The following ZDHHC17 variants were observed in gnomAD, a reference collection of about 807,000 sequenced individuals.
ZDHHC17 encodes zDHHC palmitoyltransferase 17, also known as palmitoyltransferase ZDHHC17.
Under a neutral mutation model 90.3 loss-of-function variants are expected in ZDHHC17, and 40 were observed. The ratio of observed to expected loss-of-function variants is 0.44; its 90% CI spans 0.34 to 0.58. ZDHHC17 has a LOEUF of 0.58. Among genes scored for constraint, ZDHHC17 ranks in the 20% least tolerant of loss-of-function variants. The probability of loss-of-function intolerance (pLI) is 0.01; values close to 1 mark genes in which losing one functional copy is unlikely to be tolerated. For synonymous variants in ZDHHC17, 235 were observed against 252.4 expected, an observed-to-expected ratio of 0.93 and a Z score of 0.65; for missense variants, 614 against 780.8, an observed-to-expected ratio of 0.79 and a Z score of 2.55.
intron 1 of ZDHHC17, among the ~76,000 whole-genome samples, chr12:76,771,926 A>G (rs1224150982): frequency 6.6e-6 from 1 of 152,194 alleles, no homozygotes; most frequent in Non-Finnish European, 1.5e-5. Context: ...CTGGAACCTG[A>G]GCTGAGAATG....
intron 10 of ZDHHC17, among the ~76,000 whole-genome samples, chr12:76,837,669 A>C (rs1454580196): frequency 6.6e-6 from 1 of 152,204 alleles, no homozygotes; most frequent in Non-Finnish European, 1.5e-5. Context: ...TGTAATTTAT[A>C]AAAATGAAGG....
intron 7 of ZDHHC17, among the ~76,000 whole-genome samples, chr12:76,821,899 G>A (rs1953166565): frequency 6.6e-6 from 1 of 152,104 alleles, no homozygotes; most frequent in Admixed American, 6.5e-5. Context: ...CTGGGTGGGT[G>A]AATGAATATA....
chr12:76,838,107 G>T (rs5023608), intron 10 of ZDHHC17, among the ~76,000 whole-genome samples: 3 of 151,744 alleles, frequency 2.0e-5, no homozygotes, highest in African/African-American at 4.8e-5. Context: ...CTAGAATCAC[G>T]CTTTTCATCT....
At chr12:76,820,218 G>A (rs1953147292) in intron 7 of ZDHHC17, among the ~76,000 whole-genome samples, 1 of 151,958 alleles carries the variant, frequency 6.6e-6, no homozygotes, top group Non-Finnish European at 1.5e-5. Flanking sequence ...AAAAGTGGCT[G>A]TCATCAGAAA....
rs193182299 is a variant in ZDHHC17, at chr12:76,768,546, C to G, written c.93+4217C>G. On this transcript the variant is annotated intron_variant, in intron 1 of 16. Coordinates refer to ENST00000426126, the MANE Select transcript of ZDHHC17 (RefSeq NM_015336.4). ...TGGGAAGTTGTAGGCACGTGAAACA[C>G]TGGACGATTCAAATAAGTACTGAAT... is the stretch of plus-strand genomic sequence containing the variant. Among the ~76,000 whole-genome samples, 3 of 152,338 alleles carry G rather than the reference C, an allele frequency of 2.0e-5. No individual in the cohort carries two copies. In the East Asian group the frequency reaches 5.8e-4, roughly 29 times the overall value.
chr12:76,793,157 T>C (rs1952779389), intron 1 of ZDHHC17, among the ~76,000 whole-genome samples: 1 of 152,258 alleles, frequency 6.6e-6, no homozygotes, highest in African/African-American at 2.4e-5. Context: ...AGATAAACTC[T>C]GCTAAATTTA....
At chr12:76,832,476 A>G (rs1447693643) in intron 10 of ZDHHC17, among the ~76,000 whole-genome samples, 1 of 152,266 alleles carries the variant, frequency 6.6e-6, no homozygotes, top group African/African-American at 2.4e-5. Context: ...ATTGTTCCTA[A>G]GAGTAATACA....
intron 5 of ZDHHC17, among the ~76,000 whole-genome samples, 178 bp downstream of exon 5, chr12:76,810,035 C>T (rs578126202): frequency 9.2e-5 from 14 of 152,186 alleles, no homozygotes; most frequent in African/African-American, 3.1e-4. Flanking sequence ...TAAAAGCCAG[C>T]ATGAAAATCA....
At chr12:76,833,448 A>G (rs546526729) in intron 10 of ZDHHC17, among the ~76,000 whole-genome samples, 9 of 152,318 alleles carry the variant, frequency 5.9e-5, no homozygotes, top group South Asian at 2.1e-4. Context: ...TTTTAAGTTC[A>G]TAAACCCTCC....
intron 10 of ZDHHC17, 114 bp downstream of exon 10, chr12:76,828,604 T>G (rs1953259820): frequency 1.2e-6 from 1 of 849,608 alleles, no homozygotes; most frequent in African/African-American, 1.7e-5. Flanking sequence ...ATTAAAATAG[T>G]GTTCCTAGAA....
intron 10 of ZDHHC17, among the ~76,000 whole-genome samples, chr12:76,837,551 C>A (rs1178020261): frequency 1.3e-5 from 2 of 152,136 alleles, no homozygotes; most frequent in African/African-American, 2.4e-5. Flanking sequence ...TAAAAAACAA[C>A]CAGTATGTTT....
chr12:76,766,001 C>G (rs994420427), intron 1 of ZDHHC17, among the ~76,000 whole-genome samples: 2 of 152,188 alleles, frequency 1.3e-5, no homozygotes, highest in Non-Finnish European at 2.9e-5. Context: ...CATGCCAGGC[C>G]TATCTTACGT....
chr12:76,830,876 TC>T (rs1452967593), intron 10 of ZDHHC17, among the ~76,000 whole-genome samples: 37 of 150,500 alleles, frequency 2.5e-4, no homozygotes, highest in Admixed American at 8.7e-4. Context: ...TTCATTTTTT[TC>T]CTTTATTCAG....
chr12:76,803,883 T>A (rs1256710454), intron 2 of ZDHHC17, among the ~76,000 whole-genome samples: 3 of 152,156 alleles, frequency 2.0e-5, no homozygotes, highest in African/African-American at 7.2e-5. Flanking sequence ...CAGTTATACT[T>A]GGGATGCCCT....
At chr12:76,819,831 TAA>T in intron 7 of ZDHHC17, among the ~76,000 whole-genome samples, 1 of 151,926 alleles carries the variant, frequency 6.6e-6, no homozygotes, top group East Asian at 1.9e-4. Flanking sequence ...CTGTCTCTAC[TAA>T]AAATACAAAA....
chr12:76,834,337 T>A (rs2137794366), intron 10 of ZDHHC17, among the ~76,000 whole-genome samples: 1 of 152,314 alleles, frequency 6.6e-6, no homozygotes, highest in Admixed American at 6.5e-5. Flanking sequence ...TTATTAGAAA[T>A]TTTATGTCTG....
At chr12:76,791,246 C>T (rs907359036) in intron 1 of ZDHHC17, among the ~76,000 whole-genome samples, 6 of 152,074 alleles carry the variant, frequency 3.9e-5, no homozygotes, top group African/African-American at 1.2e-4. Flanking sequence ...TTTTTCTTGC[C>T]ATTTTGTTAT....
At chr12:76,843,360 G>A (rs1039027836) in intron 12 of ZDHHC17, among the ~76,000 whole-genome samples, 9 of 151,836 alleles carry the variant, frequency 5.9e-5, no homozygotes, top group Non-Finnish European at 1.2e-4. Context: ...AAAGCCACAT[G>A]GGAAAATCCA....
At chr12:76,779,642 AAC>A in intron 1 of ZDHHC17, among the ~76,000 whole-genome samples, 1 of 152,292 alleles carries the variant, frequency 6.6e-6, no homozygotes, top group Non-Finnish European at 1.5e-5. Context: ...TCAGCCTCAT[AAC>A]AGTCTTTCCC....
Sources: gnomAD v4.1 joint callset for allele counts (sites outside exome capture counted in the v4.1 genomes callset) on GRCh38, gnomAD v4.1.1 for gene constraint, MANE v1.5 for transcripts, NCBI Gene and HGNC (gene_info 2026-07-23, HGNC 2026-07-21) for gene names.